The following FSTL5 variants were observed in gnomAD, a reference collection of about 807,000 sequenced individuals.
The protein encoded by FSTL5 is follistatin-related protein 5.
FSTL5 carries 62 observed loss-of-function variants against 89.1 expected under a neutral mutation model. The observed-to-expected ratio is 0.70, with a 90% CI of 0.57 to 0.86. FSTL5 has a LOEUF of 0.86. Among genes scored for constraint, FSTL5 ranks in the 40% least tolerant of loss-of-function variants. The probability of loss-of-function intolerance (pLI) is 0.00; values close to 1 mark genes in which losing one functional copy is unlikely to be tolerated. For synonymous variants in FSTL5, 383 were observed against 346.2 expected (o/e 1.11, Z -1.18); for missense variants, 1,057 against 1,001.6 (o/e 1.06, Z -0.75).
Position 161,872,140 on chromosome 4 carries a change from G to GTTTTTTTTTTT in FSTL5, c.409+48263_409+48264insAAAAAAAAAAA, listed in dbSNP as rs1491313878. 7.4e-5 allele frequency among the ~76,000 whole-genome samples: 5 copies of GTTTTTTTTTTT among 67,492 alleles called. 1 individual carries two copies. Among genetic ancestry groups the GTTTTTTTTTTT allele is most frequent in the Non-Finnish European group, 8.4e-5 (3 of 35,798 alleles). The allele number at this position is 67,492 out of a possible 152,430, so 44.3% of individuals were successfully genotyped here. ...GGCTTTGTAGTTTGTTTTTTTTTTTGGTTTTTTTTTTTTTTTTTGTAGAGA... is the reference window on the plus strand; with the variant it reads ...GGCTTTGTAGTTTGTTTTTTTTTTTGTTTTTTTTTTTGTTTTTTTTTTTTTTTTTGTAGAGA... On this transcript the variant is annotated intron_variant, in intron 4 of 15. Transcript: ENST00000306100.
At chr4:161,843,193 T>C (rs1413540632) in intron 4 of FSTL5, among the ~76,000 whole-genome samples, 1 of 152,172 alleles carries the variant, frequency 6.6e-6, no homozygotes, top group South Asian at 2.1e-4. Flanking sequence ...AGTTAGGTGA[T>C]AGCATGATGC....
At chr4:162,006,536 AT>A (rs1736621853) in intron 3 of FSTL5, among the ~76,000 whole-genome samples, 1 of 151,958 alleles carries the variant, frequency 6.6e-6, no homozygotes, top group African/African-American at 2.4e-5. Context: ...CAAATTTGTC[AT>A]TAATGAAAAC....
At chr4:161,879,176 C>T (rs890879984) in intron 4 of FSTL5, among the ~76,000 whole-genome samples, 1 of 152,098 alleles carries the variant, frequency 6.6e-6, no homozygotes, top group African/African-American at 2.4e-5. Flanking sequence ...CATCTGTTGC[C>T]TCATTAGACC....
chr4:161,956,710 A>C (rs1167844975), intron 3 of FSTL5, among the ~76,000 whole-genome samples: 1 of 151,986 alleles, frequency 6.6e-6, no homozygotes, highest in Non-Finnish European at 1.5e-5. Flanking sequence ...GACACGGGTT[A>C]ATGTAAAAAA....
At chr4:161,785,130 T>C (rs1207029133) in intron 4 of FSTL5, among the ~76,000 whole-genome samples, 2 of 152,156 alleles carry the variant, frequency 1.3e-5, no homozygotes, top group Non-Finnish European at 2.9e-5. Flanking sequence ...AACATTCGAC[T>C]TTACGTGAAG....
chr4:162,034,748 A>C (rs992272857), intron 2 of FSTL5, among the ~76,000 whole-genome samples: 10 of 152,202 alleles, frequency 6.6e-5, no homozygotes, highest in Non-Finnish European at 1.0e-4. Context: ...ATATTTTGGC[A>C]AAAGAGTAGG....
chr4:161,437,565 C>CAAAAAAAAAAAAAAAAAAA lies in FSTL5; in HGVS notation c.1841+17438_1841+17439insTTTTTTTTTTTTTTTTTTT, dbSNP rs56229701. On this transcript the variant is annotated intron_variant, in intron 15 of 15. Coordinates refer to ENST00000306100, the MANE Select transcript of FSTL5 (RefSeq NM_020116.5). ...CTGGTGACAGAGTGAGACTCCGTCT[C>CAAAAAAAAAAAAAAAAAAA]AAAAAAAAAAAAAAAAACGAGGTCA... Among the ~76,000 whole-genome samples the CAAAAAAAAAAAAAAAAAAA allele has an allele frequency of 3.2e-3, 219 of 68,462 alleles. 19 individuals are homozygous for CAAAAAAAAAAAAAAAAAAA. Among genetic ancestry groups the CAAAAAAAAAAAAAAAAAAA allele is most frequent in the African/African-American group, 6.7e-3 (81 of 12,012 alleles). 44.9% of individuals were successfully genotyped at this position (68,462 alleles called of 152,430 possible).
At chr4:161,610,243 T>C (rs1459497791) in intron 7 of FSTL5, among the ~76,000 whole-genome samples, 1 of 152,186 alleles carries the variant, frequency 6.6e-6, no homozygotes, top group Non-Finnish European at 1.5e-5. Flanking sequence ...CAATCAATCA[T>C]GTTGCACACA....
intron 15 of FSTL5, among the ~76,000 whole-genome samples, chr4:161,397,560 A>C (rs1467687134): frequency 6.6e-6 from 1 of 151,444 alleles, no homozygotes; most frequent in Non-Finnish European, 1.5e-5. Flanking sequence ...ATATCGATGA[A>C]AAAATTGAAG....
In FSTL5 at chr4:161,584,180, T is replaced by C. The variant is rs892171922; in HGVS notation, c.1015+3275A>G. Among the ~76,000 whole-genome samples the C allele has an allele frequency of 3.9e-5, 6 of 152,118 alleles. 1 individual carries two copies. Among genetic ancestry groups the C allele is most frequent in the African/African-American group, 1.4e-4 (6 of 41,428 alleles). Reference sequence around the variant, plus strand: ...TTGCAAGATAATTATTCGACATGTCTTCCCCTCCTCAAACCACTAAAGCTA... The same window carrying C: ...TTGCAAGATAATTATTCGACATGTCCTCCCCTCCTCAAACCACTAAAGCTA... On this transcript the variant is annotated intron_variant, in intron 8 of 15. Coordinates refer to ENST00000306100, the MANE Select transcript of FSTL5 (RefSeq NM_020116.5).
intron 10 of FSTL5, among the ~76,000 whole-genome samples, chr4:161,524,308 A>G (rs1026844502): frequency 4.6e-5 from 7 of 152,036 alleles, no homozygotes; most frequent in Non-Finnish European, 1.0e-4. Context: ...AAATCAATGT[A>G]TTTCCTGAAT....
At chr4:161,885,775 G>C (rs1732788689) in intron 4 of FSTL5, among the ~76,000 whole-genome samples, 4 of 152,146 alleles carry the variant, frequency 2.6e-5, no homozygotes, top group African/African-American at 9.6e-5. Context: ...ATTTTTCTTT[G>C]CTTCTTTCCT....
chr4:161,619,775 G>C (rs1454655538), intron 7 of FSTL5, among the ~76,000 whole-genome samples: 5 of 152,130 alleles, frequency 3.3e-5, no homozygotes, highest in Admixed American at 6.5e-5. Context: ...GTGGAAGTCA[G>C]TGTGGCGATT....
intron 4 of FSTL5, among the ~76,000 whole-genome samples, chr4:161,887,388 CTATCATCTATCTATCT>C (rs1278862450): frequency 9.2e-6 from 1 of 108,166 alleles, no homozygotes; most frequent in Non-Finnish European, 1.9e-5. Flanking sequence ...TTATCTCTAT[CTATCATCTATCTATCT>C]ATCTATCTAT....
At chr4:161,861,718 T>C (rs1056191625) in intron 4 of FSTL5, among the ~76,000 whole-genome samples, 1 of 152,208 alleles carries the variant, frequency 6.6e-6, no homozygotes, top group Non-Finnish European at 1.5e-5. Flanking sequence ...ATTCAACTTA[T>C]TTCAAGCAAT....
intron 4 of FSTL5, among the ~76,000 whole-genome samples, chr4:161,878,506 GATA>G (rs1307914313): frequency 6.6e-6 from 1 of 151,836 alleles, no homozygotes; most frequent in Non-Finnish European, 1.5e-5. Context: ...TTGATAAACA[GATA>G]ATAAGCTAAA....
chr4:162,083,442 C>G (rs866673318), intron 2 of FSTL5, among the ~76,000 whole-genome samples: 39 of 151,706 alleles, frequency 2.6e-4, no homozygotes, highest in Middle Eastern at 7.0e-3. Context: ...AATATTGACT[C>G]TCTTTAAGAA....
At chr4:161,438,711 A>G (rs965258708) in intron 15 of FSTL5, among the ~76,000 whole-genome samples, 6 of 152,190 alleles carry the variant, frequency 3.9e-5, no homozygotes, top group Non-Finnish European at 7.4e-5. Context: ...TTAAAATTAA[A>G]TTGATGAATC....
At chr4:161,977,515 A>C (rs10428355) in intron 3 of FSTL5, among the ~76,000 whole-genome samples, 15,071 of 150,314 alleles carry the variant, frequency 0.1, 824 homozygotes, top group East Asian at 0.21. Context: ...CGGGAGGCTG[A>C]GGCAGAAGAA....
Sources: allele counts gnomAD v4.1 joint callset (sites outside exome capture counted in the v4.1 genomes callset), GRCh38; gene constraint gnomAD v4.1.1; transcripts MANE v1.5; gene names NCBI Gene and HGNC (gene_info 2026-07-23, HGNC 2026-07-21).